AFG1L: variants seen among roughly 807,000 people sequenced by gnomAD.
The protein encoded by AFG1L is AFG1 like ATPase.
In AFG1L, 53 loss-of-function variants were observed where a neutral mutation model predicts 62.2. The ratio of observed to expected loss-of-function variants is 0.85; its 90% CI spans 0.68 to 1.07. The LOEUF is 1.07. Among genes scored for constraint, AFG1L ranks in the 50% least tolerant of loss-of-function variants. AFG1L has a pLI of 0.00. For synonymous variants in AFG1L, 228 were observed against 210.3 expected (o/e 1.08, Z -0.73); for missense variants, 555 against 590.5 (o/e 0.94, Z 0.62).
intron 10 of AFG1L, among the ~76,000 whole-genome samples, chr6:108,503,777 G>C (rs1003921129): frequency 6.6e-6 from 1 of 152,160 alleles, no homozygotes; most frequent in Admixed American, 6.5e-5. Context: ...ATCTTCTTTC[G>C]ATTCATCTGC....
chr6:108,449,227 A>G (rs1771949401), intron 8 of AFG1L, among the ~76,000 whole-genome samples: 2 of 151,758 alleles, frequency 1.3e-5, no homozygotes, highest in Non-Finnish European at 1.5e-5. Context: ...ATACACAGAC[A>G]TATAGATATA....
rs148132800 is a variant in AFG1L at position 108,396,163 on chromosome 6, G to A, written c.749-5833G>A. The stretch of plus-strand genomic sequence containing the variant: ...CAAAGTGCTGAGATTACAGGCATGA[G>A]CCACCATGCACAACCTATAGAATGA... On this transcript the variant is annotated intron_variant, in intron 6 of 12. Transcript: ENST00000368977. 6.1e-3 allele frequency among the ~76,000 whole-genome samples: 929 copies of A among 151,986 alleles called. 10 individuals are homozygous for A. The highest frequency in any genetic ancestry group is 0.021 in the African/African-American group (866 of 41,462).
intron 7 of AFG1L, among the ~76,000 whole-genome samples, chr6:108,427,439 G>A (rs1284596380): frequency 6.6e-6 from 1 of 151,380 alleles, no homozygotes; most frequent in African/African-American, 2.4e-5. Context: ...TTAAAGTAAT[G>A]CCTTAAAAAT....
At chr6:108,514,183 C>A (rs1470318092) in intron 11 of AFG1L, among the ~76,000 whole-genome samples, 1 of 152,102 alleles carries the variant, frequency 6.6e-6, no homozygotes, top group African/African-American at 2.4e-5. Flanking sequence ...CAGAAAAACT[C>A]AAAATTCTAA....
At chr6:108,390,430 G>T (rs942712110) in intron 6 of AFG1L, among the ~76,000 whole-genome samples, 1 of 152,218 alleles carries the variant, frequency 6.6e-6, no homozygotes, top group East Asian at 1.9e-4. Context: ...TTCCTTTGGA[G>T]GGGGAGAGGT....
At chr6:108,371,011 G>A (rs531077481) in intron 6 of AFG1L, among the ~76,000 whole-genome samples, 1 of 152,004 alleles carries the variant, frequency 6.6e-6, no homozygotes, top group Non-Finnish European at 1.5e-5. Context: ...TACTTGAGGC[G>A]GGTGGAGGGA....
chr6:108,466,445 C>T (rs780964944), intron 8 of AFG1L, among the ~76,000 whole-genome samples: 4 of 152,138 alleles, frequency 2.6e-5, no homozygotes, highest in Non-Finnish European at 5.9e-5. Flanking sequence ...CAGGTTGAAG[C>T]CCTTACCCCA....
At position 108,295,211 on chromosome 6, in the gene AFG1L, T is replaced by A. The variant is rs753153988; in HGVS notation, c.132T>A (p.Phe44Leu). 6 of 1,603,360 alleles carry A rather than the reference T, an allele frequency of 3.7e-6. No individual in the cohort carries two copies. Among genetic ancestry groups the A allele is most frequent in the Admixed American group, 1.7e-5 (1 of 59,852 alleles). Residue 44 changes from phenylalanine (F) to leucine (L), a missense_variant, in exon 1 of 13, where the codon TTT becomes TTA. By Grantham distance (22) the Phe-to-Leu change is conservative (BLOSUM62 0). Transcript: ENST00000368977. ...TGGCCACCGCCCCTGGGAAGCCCTT[T>A]TGGAAAGGTCAGTGACTGTGCCATG... ...APLATAPGKP[F>L]WKAYTVQTSE...
intron 10 of AFG1L, among the ~76,000 whole-genome samples, chr6:108,484,912 A>G (rs2114834507): frequency 6.6e-6 from 1 of 152,314 alleles, no homozygotes; most frequent in Admixed American, 6.5e-5. Context: ...ACTGTATATC[A>G]GGTTAAAAGT....
chr6:108,316,088 A>T (rs1255301926), intron 1 of AFG1L, among the ~76,000 whole-genome samples: 3 of 152,052 alleles, frequency 2.0e-5, no homozygotes, highest in African/African-American at 7.2e-5. Flanking sequence ...CTTGTTTAAA[A>T]ATCGGAAAGT....
At chr6:108,491,994 A>AAACAAAAGT (rs1193754563) in intron 10 of AFG1L, among the ~76,000 whole-genome samples, 2 of 152,224 alleles carry the variant, frequency 1.3e-5, no homozygotes, top group African/African-American at 4.8e-5. Context: ...GCAAAAAGCA[A>AAACAAAAGT]AACAAAAGTA....
chr6:108,316,568 C>T (rs1184509203), intron 1 of AFG1L, among the ~76,000 whole-genome samples: 29 of 135,492 alleles, frequency 2.1e-4, no homozygotes, highest in Admixed American at 7.2e-4. Flanking sequence ...GAGTCTCACT[C>T]TGTTGCCCAG....
chr6:108,510,698 TC>T (rs1008482168), intron 11 of AFG1L, among the ~76,000 whole-genome samples: 3 of 152,216 alleles, frequency 2.0e-5, no homozygotes, highest in Non-Finnish European at 4.4e-5. Flanking sequence ...ATGCGCTTCA[TC>T]TATCACGTTC....
intron 10 of AFG1L, among the ~76,000 whole-genome samples, chr6:108,483,420 C>T (rs1371146582): frequency 1.3e-5 from 2 of 152,052 alleles, no homozygotes; most frequent in African/African-American, 2.4e-5. Context: ...ATAAAGGAGT[C>T]CTGGAGCCAA....
chr6:108,297,095 T>C (rs1361133309), intron 1 of AFG1L, among the ~76,000 whole-genome samples: 1 of 152,104 alleles, frequency 6.6e-6, no homozygotes, highest in Non-Finnish European at 1.5e-5. Context: ...CCCCTCTTTA[T>C]TTTTATTTTG....
In AFG1L at chr6:108,459,948, G is replaced by A. The variant is rs541371631; in HGVS notation, c.890+12652G>A. 5.3e-5 allele frequency among the ~76,000 whole-genome samples: 8 copies of A among 152,224 alleles called. No homozygotes were observed. In the East Asian group the frequency reaches 1.2e-3, roughly 22 times the overall value. ...TTCTTCAACAAATAAATAAGAAAGA[G>A]AGAGATGGATAGGGAACCTTTAGTT... On this transcript the variant is annotated intron_variant, in intron 8 of 12. Coordinates refer to ENST00000368977, the MANE Select transcript of AFG1L (RefSeq NM_145315.5).
At chr6:108,312,299 G>A (rs1777442622) in intron 1 of AFG1L, among the ~76,000 whole-genome samples, 1 of 152,176 alleles carries the variant, frequency 6.6e-6, no homozygotes, top group African/African-American at 2.4e-5. Flanking sequence ...AGCACTTTGG[G>A]AGCCGGAGGC....
chr6:108,519,583 C>A, intron 11 of AFG1L, 114 bp from the exon 12 acceptor site: 1 of 626,366 alleles, frequency 1.6e-6, no homozygotes, highest in Admixed American at 2.8e-5. Flanking sequence ...GTCTTAAAAG[C>A]AAAGATCCAA....
rs13218785 is a variant in AFG1L at position 108,522,601 on chromosome 6, A to G, written c.*176A>G. The G allele has an allele frequency of 2.7e-3, 1,417 of 526,604 alleles. 4 individuals carry two copies. Among genetic ancestry groups the G allele is most frequent in the Non-Finnish European group, 3.6e-3 (1,155 of 323,552 alleles). The allele number at this position is 526,604 out of a possible 1,614,324, so 32.6% of individuals were successfully genotyped here. A position where few individuals can be genotyped will look rare whatever the true frequency, so the allele number is the denominator to read the frequency against. On this transcript the variant is annotated 3_prime_UTR_variant, in exon 13 of 13. Coordinates refer to ENST00000368977, the MANE Select transcript of AFG1L (RefSeq NM_145315.5). The stretch of plus-strand genomic sequence containing the variant: ...TGGATTAGTAAGTTAAACACTTAAC[A>G]TTTTTTAGGTCTGCTTTTTCTTATT...
Sources: allele counts gnomAD v4.1 joint callset (sites outside exome capture counted in the v4.1 genomes callset), GRCh38; gene constraint gnomAD v4.1.1; transcripts MANE v1.5; gene names NCBI Gene and HGNC (gene_info 2026-07-23, HGNC 2026-07-21).